Variants in FBN2 observed in about 807,000 individuals in gnomAD.
FBN2 encodes the protein fibrillin 2, also known as fibrillin-2.
Under a neutral mutation model 355.6 loss-of-function variants are expected in FBN2, and 105 were observed. The ratio of observed to expected loss-of-function variants is 0.30; its 90% confidence interval spans 0.25 to 0.35. The LOEUF (loss-of-function observed/expected upper bound fraction) is 0.35. FBN2 is among the 10% of genes least tolerant of loss of function. FBN2 has a pLI of 1.00. For synonymous variants in FBN2, 1,350 were observed against 1,301.2 expected (o/e 1.04, Z -0.81); for missense variants, 3,280 against 3,758.7 (o/e 0.87, Z 3.33).
intron 8 of FBN2, among the ~76,000 whole-genome samples, chr5:128,400,844 C>G (rs544270484): frequency 6.6e-6 from 1 of 152,160 alleles, no homozygotes; most frequent in African/African-American, 2.4e-5. Context: ...CAAATCTCAA[C>G]TTGAATTGTA....
Position 128,464,874 on chromosome 5 carries a change from G to C in FBN2, c.676C>G (p.Gln226Glu), listed in dbSNP as rs1372519956. The change falls in exon 6 of 65, where the codon CAA (glutamine) becomes GAA (glutamate). Residue 226 changes from glutamine (Q) to glutamate (E), a missense_variant. Transcript: ENST00000262464. ...CAGACAATGCCTGTCAGCTGCCCTT[G>C]GCACATCTGGTTGTTGACCTGAGTG... is the stretch of plus-strand genomic sequence containing the variant. ...CFTQVNNQMC[Q>E]GQLTGIVCTK... 1 of 1,614,224 alleles carries C rather than the reference G, an allele frequency of 6.2e-7. No homozygotes were observed. The highest frequency in any genetic ancestry group is 8.5e-7 in the Non-Finnish European group (1 of 1,180,044).
At chr5:128,308,296 T>G (rs1749938996) in intron 41 of FBN2, among the ~76,000 whole-genome samples, 1 of 152,120 alleles carries the variant, frequency 6.6e-6, no homozygotes, top group Admixed American at 6.5e-5. Flanking sequence ...CTATGGAGTT[T>G]TAAAGTTGAG....
Position 128,290,884 on chromosome 5 carries a change from T to G in FBN2, c.6293A>C (p.Asp2098Ala). The change falls in exon 50 of 65, where the codon GAT becomes GCT. Residue 2098 changes from aspartate to alanine, a missense_variant and splice_region_variant. Transcript: ENST00000262464. ...VLSDNGRRCFDTRQSFCFTNF... is the reference protein window; with the variant it reads ...VLSDNGRRCFATRQSFCFTNF... ...TGTGAAGCAGAAGCTCTGGCGAGTATCTAATCAAAAAAGCAAACATTACAG... is the reference window on the plus strand; with the variant it reads ...TGTGAAGCAGAAGCTCTGGCGAGTAGCTAATCAAAAAAGCAAACATTACAG... 3 of 1,613,716 alleles carry G rather than the reference T, an allele frequency of 1.9e-6. No homozygotes were observed. Among genetic ancestry groups the G allele is most frequent in the Non-Finnish European group, 2.5e-6 (3 of 1,179,690 alleles).
At chr5:128,527,539 C>CT (rs35320452) in intron 4 of FBN2, among the ~76,000 whole-genome samples, 14 of 150,398 alleles carry the variant, frequency 9.3e-5, no homozygotes, top group African/African-American at 1.7e-4. Context: ...AAAACTTGCT[C>CT]TTTTTTTTTC....
At chr5:128,344,637 T>C (rs1042550549) in intron 24 of FBN2, 127 bp from the exon 25 acceptor site, 2 of 813,800 alleles carry the variant, frequency 2.5e-6, no homozygotes, top group African/African-American at 1.7e-5. Flanking sequence ...GGCTACTAAA[T>C]GTTTCAGTGA....
chr5:128,342,766 T>C (rs1253070811), intron 25 of FBN2, among the ~76,000 whole-genome samples: 1 of 151,590 alleles, frequency 6.6e-6, no homozygotes, highest in African/African-American at 2.4e-5. Context: ...TTTGCTCTCA[T>C]TGCCCAGGCT....
chr5:128,396,221 T>C (rs1007995918), intron 8 of FBN2, among the ~76,000 whole-genome samples: 3 of 152,170 alleles, frequency 2.0e-5, no homozygotes, highest in African/African-American at 7.2e-5. Flanking sequence ...GAGATGGGGA[T>C]GGCGAGGGAA....
intron 7 of FBN2, among the ~76,000 whole-genome samples, chr5:128,421,761 T>C (rs1753355144): frequency 6.6e-6 from 1 of 152,180 alleles, no homozygotes; most frequent in African/African-American, 2.4e-5. Flanking sequence ...GTCACCAGTA[T>C]TACTGAAAAG....
intron 40 of FBN2, 31 bp downstream of exon 40, chr5:128,309,952 G>A (rs1316470350): frequency 6.2e-7 from 1 of 1,610,346 alleles, no homozygotes; most frequent in African/African-American, 1.3e-5. Flanking sequence ...CAACAACTGT[G>A]CTCTAATTAA....
At position 128,278,610 on chromosome 5, in the gene FBN2, T is replaced by A. The variant is rs1765454721; in HGVS notation, c.7345+25A>T. 3 of 1,596,088 alleles carry A rather than the reference T, an allele frequency of 1.9e-6. No individual in the cohort carries two copies. In the East Asian group the frequency reaches 6.7e-5, roughly 36 times the overall value. ...CATAAAATTTAATGTGTTGATTATA[T>A]GAATAAATTTCCTCAACTCCTTACC... is the stretch of plus-strand genomic sequence containing the variant. On this transcript the variant is annotated intron_variant, in intron 57 of 64. Coordinates refer to ENST00000262464, the MANE Select transcript of FBN2 (RefSeq NM_001999.4).
At chr5:128,339,835 C>T (rs1421671774) in intron 25 of FBN2, among the ~76,000 whole-genome samples, 3 of 152,234 alleles carry the variant, frequency 2.0e-5, no homozygotes, top group Admixed American at 6.5e-5. Context: ...GCAGCCACGA[C>T]GGACCAACCC....
chr5:128,520,439 G>C lies in FBN2; in HGVS notation c.533-1071C>G, dbSNP rs17677597. On this transcript the variant is annotated intron_variant, in intron 4 of 64. Coordinates refer to ENST00000262464, the MANE Select transcript of FBN2 (RefSeq NM_001999.4). Reference sequence around the variant, plus strand: ...ATTAGAGGATTATATTCTATGACCTGTGTCCACAAATGGAGTTGAAGGACA... The same window carrying C: ...ATTAGAGGATTATATTCTATGACCTCTGTCCACAAATGGAGTTGAAGGACA... 8.5e-3 allele frequency among the ~76,000 whole-genome samples: 1,287 copies of C among 152,252 alleles called. 8 individuals carry two copies. Among genetic ancestry groups the C allele is most frequent in the Non-Finnish European group, 0.011 (742 of 68,028 alleles).
At chr5:128,293,719 A>T (rs1444178022) in intron 48 of FBN2, among the ~76,000 whole-genome samples, 1 of 152,206 alleles carries the variant, frequency 6.6e-6, no homozygotes, top group African/African-American at 2.4e-5. Context: ...TGGCTGACAC[A>T]CTACTTTTAT....
chr5:128,283,545 C>T (rs886806834), intron 55 of FBN2, among the ~76,000 whole-genome samples: 1 of 152,188 alleles, frequency 6.6e-6, no homozygotes, highest in Non-Finnish European at 1.5e-5. Flanking sequence ...TATTTTTAGT[C>T]TCTCTAAATA....
Position 128,263,675 on chromosome 5 carries a change from A to T in FBN2, c.7961-19T>A, listed in dbSNP as rs1057524211. 6.3e-7 allele frequency: 1 copy of T among 1,591,918 alleles called. No individual in the cohort carries two copies. The highest frequency in any genetic ancestry group is 8.6e-7 in the Non-Finnish European group (1 of 1,161,318). ...TTCTCATCTAGTGAAACGAAGAAAG[A>T]AACTCTTACACGGGGAAGCAGGCAA... On this transcript the variant is annotated intron_variant, in intron 62 of 64. Transcript: ENST00000262464.
At chr5:128,456,020 A>AAAAAAAC (rs1420577285) in intron 6 of FBN2, among the ~76,000 whole-genome samples, 1 of 148,590 alleles carries the variant, frequency 6.7e-6, no homozygotes, top group Non-Finnish European at 1.5e-5. Context: ...AAAAAAAAAA[A>AAAAAAAC]AAAGCAACTG....
Position 128,307,218 on chromosome 5 carries a change from C to T in FBN2, c.5354-15G>A. 6.9e-7 allele frequency: 1 copy of T among 1,438,882 alleles called. No individual in the cohort carries two copies. The highest frequency in any genetic ancestry group is 2.3e-5 in the East Asian group (1 of 43,918). The allele number at this position is 1,438,882 out of a possible 1,614,324, so 89.1% of individuals were successfully genotyped here. On this transcript the variant is annotated splice_polypyrimidine_tract_variant and intron_variant, in intron 41 of 64. Coordinates refer to ENST00000262464, the MANE Select transcript of FBN2 (RefSeq NM_001999.4). ...TTTAAAGTCAGCTTTAAAATATAAA[C>T]AAAGCAATGCACTCTTAAATTTCTC...
At chr5:128,306,515 A>G (rs762133817) in intron 42 of FBN2, among the ~76,000 whole-genome samples, 19 of 151,880 alleles carry the variant, frequency 1.3e-4, no homozygotes, top group African/African-American at 2.4e-4. Flanking sequence ...CCAGCTACTC[A>G]GGAGGCTGAG....
At chr5:128,512,381 C>T (rs954224169) in intron 5 of FBN2, among the ~76,000 whole-genome samples, 4 of 151,850 alleles carry the variant, frequency 2.6e-5, no homozygotes, top group Admixed American at 6.6e-5. Flanking sequence ...GGGGTGGTGG[C>T]GCATGCCTGT....
Sources: gnomAD v4.1 joint callset for allele counts (sites outside exome capture counted in the v4.1 genomes callset) on GRCh38, gnomAD v4.1.1 for gene constraint, MANE v1.5 for transcripts, NCBI Gene and HGNC (gene_info 2026-07-23, HGNC 2026-07-21) for gene names.